Variants in SNX29 observed in about 807,000 individuals in gnomAD.
The protein encoded by SNX29 is sorting nexin-29.
In SNX29, 78 loss-of-function variants were observed where a neutral mutation model predicts 102.1. The observed-to-expected ratio is 0.76, with a 90% CI of 0.64 to 0.92. The LOEUF (loss-of-function observed/expected upper bound fraction) is 0.92, where lower values mean the gene tolerates loss of function less well. SNX29 is among the 40% of genes least tolerant of loss of function. The pLI, the probability that SNX29 is intolerant of heterozygous loss-of-function variation, is 0.00. For missense variants in SNX29, 1,280 were observed against 1,061.7 expected, an observed-to-expected ratio of 1.21 and a Z score of -2.86; for synonymous variants, 580 against 414.5, an observed-to-expected ratio of 1.40 and a Z score of -4.85.
intron 17 of SNX29, among the ~76,000 whole-genome samples, chr16:12,403,131 A>G (rs1174168108): frequency 1.3e-5 from 2 of 151,942 alleles, no homozygotes; most frequent in East Asian, 3.9e-4. Flanking sequence ...GTTCAGATAC[A>G]TTATGGGCCA....
intron 14 of SNX29, among the ~76,000 whole-genome samples, chr16:12,260,245 A>G (rs2078694657): frequency 6.6e-6 from 1 of 152,136 alleles, no homozygotes; most frequent in Non-Finnish European, 1.5e-5. Context: ...TGCTGGTGCT[A>G]CAGGCGTCCT....
chr16:12,255,195 T>C (rs1292932570), intron 14 of SNX29, among the ~76,000 whole-genome samples: 1 of 152,146 alleles, frequency 6.6e-6, no homozygotes, highest in East Asian at 1.9e-4. Context: ...GAAACAATCC[T>C]GTATTTTTTT....
intron 19 of SNX29, among the ~76,000 whole-genome samples, chr16:12,489,362 C>A (rs1040157841): frequency 2.0e-5 from 3 of 152,160 alleles, no homozygotes; most frequent in Non-Finnish European, 4.4e-5. Flanking sequence ...GAGTTCACAA[C>A]CCCAGGCTGG....
At chr16:12,516,609 C>T (rs1036163168) in intron 19 of SNX29, among the ~76,000 whole-genome samples, 4 of 151,890 alleles carry the variant, frequency 2.6e-5, no homozygotes, top group African/African-American at 9.7e-5. Flanking sequence ...TATCAGCTGA[C>T]TCCAAAGCAG....
At chr16:12,139,193 TAAAAAAAAAAAAA>T (rs34808071) in intron 13 of SNX29, among the ~76,000 whole-genome samples, 9 of 66,134 alleles carry the variant, frequency 1.4e-4, no homozygotes, top group South Asian at 7.8e-4. Context: ...AGCGAGACTC[TAAAAAAAAAAAAA>T]AAAAAAAAAA....
intron 20 of SNX29, among the ~76,000 whole-genome samples, chr16:12,540,486 G>A (rs76423576): frequency 0.013 from 1,967 of 152,362 alleles, 98 homozygotes; most frequent in Admixed American, 0.088. Context: ...TCAAGGTGTC[G>A]GCAGGGCTGG....
At position 12,568,591 on chromosome 16, in the gene SNX29, G is replaced by C; in HGVS notation, c.2404G>C (p.Glu802Gln). 3.1e-6 allele frequency: 5 copies of C among 1,606,454 alleles called. No homozygotes were observed. Among genetic ancestry groups the C allele is most frequent in the Non-Finnish European group, 4.2e-6 (5 of 1,179,824 alleles). The change falls in exon 21 of 21, where the codon GAG becomes CAG. Residue 802 changes from glutamate to glutamine, a missense_variant. By Grantham distance (29) the Glu-to-Gln change is conservative. Coordinates refer to ENST00000566228, the MANE Select transcript of SNX29 (RefSeq NM_032167.5). Reference sequence around the variant, plus strand: ...CAAACTGTCCCGGGGTCAGCCCCGGGAGACCCGCAACGTGGAGCCCCAGAG... The same window carrying C: ...CAAACTGTCCCGGGGTCAGCCCCGGCAGACCCGCAACGTGGAGCCCCAGAG... ...FPKLSRGQPR[E>Q]TRNVEPQSGD...
chr16:12,555,571 C>T (rs1202951829), intron 20 of SNX29, among the ~76,000 whole-genome samples: 4 of 151,852 alleles, frequency 2.6e-5, no homozygotes, highest in Non-Finnish European at 2.9e-5. Flanking sequence ...CCTCATCTCT[C>T]ACCTCCATTT....
chr16:12,345,422 A>G (rs2081764893), intron 15 of SNX29, among the ~76,000 whole-genome samples: 1 of 152,202 alleles, frequency 6.6e-6, no homozygotes, highest in South Asian at 2.1e-4. Context: ...TGTACACTGC[A>G]CAACAGCTTA....
intron 15 of SNX29, among the ~76,000 whole-genome samples, chr16:12,300,381 G>T (rs767962906): frequency 2.0e-5 from 3 of 152,022 alleles, no homozygotes; most frequent in African/African-American, 7.2e-5. Flanking sequence ...TGATAGCATC[G>T]ATCATCAGTG....
intron 14 of SNX29, among the ~76,000 whole-genome samples, chr16:12,222,563 T>C (rs2077505725): frequency 6.6e-6 from 1 of 152,156 alleles, no homozygotes; most frequent in Admixed American, 6.5e-5. Flanking sequence ...CTTCACAGTT[T>C]GCAGAGTGCT....
chr16:12,059,840 C>T (rs373667505), intron 8 of SNX29, among the ~76,000 whole-genome samples: 11 of 152,150 alleles, frequency 7.2e-5, no homozygotes, highest in Non-Finnish European at 1.3e-4. Flanking sequence ...GGGCAGGAGA[C>T]GACTCGGTGC....
intron 4 of SNX29, among the ~76,000 whole-genome samples, chr16:12,039,265 T>C (rs1354381613): frequency 6.6e-6 from 1 of 152,238 alleles, no homozygotes; most frequent in Admixed American, 6.5e-5. Flanking sequence ...TTTCCTTCCC[T>C]TTCTAGTTAC....
At position 12,571,624 on chromosome 16, in the gene SNX29, T is replaced by G; in HGVS notation, c.*2995T>G. The G allele has an allele frequency of 9.4e-7, 1 of 1,058,934 alleles. No homozygotes were observed. The highest frequency in any genetic ancestry group is 1.1e-6 in the Non-Finnish European group (1 of 875,328). The allele number at this position is 1,058,934 out of a possible 1,614,324, so 65.6% of individuals were successfully genotyped here. A position where few individuals can be genotyped will look rare whatever the true frequency, so the allele number is the denominator to read the frequency against. Reference sequence around the variant, plus strand: ...ACAGCAGGTTCCATCTTTCACATCTTTTTTTCTCCCCCAGATGAAAGACGA... The same window carrying G: ...ACAGCAGGTTCCATCTTTCACATCTGTTTTTCTCCCCCAGATGAAAGACGA... On this transcript the variant is annotated 3_prime_UTR_variant, in exon 21 of 21. Transcript: ENST00000566228.
At position 12,572,332 on chromosome 16, in the gene SNX29, C is replaced by T; in HGVS notation, c.*3703C>T. 9.4e-7 allele frequency: 1 copy of T among 1,063,204 alleles called. No homozygotes were observed. The highest frequency in any genetic ancestry group is 1.1e-6 in the Non-Finnish European group (1 of 877,928). 65.9% of individuals were successfully genotyped at this position (1,063,204 alleles called of 1,614,324 possible). On this transcript the variant is annotated 3_prime_UTR_variant, in exon 21 of 21. Coordinates refer to ENST00000566228, the MANE Select transcript of SNX29 (RefSeq NM_032167.5). ...AGGTTGGAAACAGGAGTGAAGCCCA[C>T]CAGCCTGCCTGGTTGATGGACAGCA...
intron 14 of SNX29, among the ~76,000 whole-genome samples, chr16:12,235,784 ATTGTG>A (rs1567341940): frequency 7.0e-6 from 1 of 143,036 alleles, no homozygotes; most frequent in East Asian, 2.0e-4. Context: ...TGGGTTGTAA[ATTGTG>A]TGTGTGTGTG....
rs868085919 is a variant in SNX29, at chr16:12,442,952, G to T, written c.2038-34767G>T. The T allele has an allele frequency of 8.8e-6, 4 of 453,458 alleles. 1 individual carries two copies. The Middle Eastern group carries it at 1.3e-3, about 150-fold the overall frequency. The allele number at this position is 453,458 out of a possible 1,614,324, so 28.1% of individuals were successfully genotyped here. A position where few individuals can be genotyped will look rare whatever the true frequency, so the allele number is the denominator to read the frequency against. On this transcript the variant is annotated intron_variant, in intron 18 of 20. Coordinates refer to ENST00000566228, the MANE Select transcript of SNX29 (RefSeq NM_032167.5). ...CTGAACTTTGAATTTCATATACTTT[G>T]CCCATGCTAAAGAATACTACTTTTC...
At chr16:12,521,091 G>A (rs912900533) in intron 19 of SNX29, among the ~76,000 whole-genome samples, 3 of 152,032 alleles carry the variant, frequency 2.0e-5, no homozygotes, top group Non-Finnish European at 4.4e-5. Flanking sequence ...GAGGTAGGAG[G>A]ACTGCTTGAA....
At chr16:12,558,361 C>T (rs1056641107) in intron 20 of SNX29, among the ~76,000 whole-genome samples, 2 of 152,144 alleles carry the variant, frequency 1.3e-5, no homozygotes, top group African/African-American at 2.4e-5. Flanking sequence ...AGCATCACAG[C>T]CATTGGTAAC....
Sources: allele counts gnomAD v4.1 joint callset (sites outside exome capture counted in the v4.1 genomes callset), GRCh38; gene constraint gnomAD v4.1.1; transcripts MANE v1.5; gene names NCBI Gene and HGNC (gene_info 2026-07-23, HGNC 2026-07-21).